Variants in ABCA13 observed in about 807,000 individuals in gnomAD.
ABCA13 encodes the protein ATP binding cassette subfamily A member 13.
In ABCA13, 476 loss-of-function variants were observed where a neutral mutation model predicts 478.7. The ratio of observed to expected loss-of-function variants is 0.99; its 90% CI spans 0.92 to 1.07. ABCA13 has a LOEUF of 1.07. Among genes scored for constraint, ABCA13 ranks in the 50% least tolerant of loss-of-function variants. The pLI is 0.00. For missense variants in ABCA13, 6,060 were observed against 5,910.6 expected (o/e 1.03, Z -0.83); for synonymous variants, 2,252 against 2,158.9 (o/e 1.04, Z -1.20).
intron 58 of ABCA13, among the ~76,000 whole-genome samples, chr7:48,607,120 G>A (rs867044332): frequency 1.1e-4 from 16 of 152,302 alleles, no homozygotes; most frequent in African/African-American, 2.9e-4. Flanking sequence ...TTTCAAGCCC[G>A]TGGATCTTAG....
At chr7:48,451,802 A>G (rs1825072297) in intron 42 of ABCA13, among the ~76,000 whole-genome samples, 1 of 152,208 alleles carries the variant, frequency 6.6e-6, no homozygotes, top group African/African-American at 2.4e-5. Context: ...TGTTTGAACA[A>G]TTGCAGCCAA....
intron 23 of ABCA13, among the ~76,000 whole-genome samples, chr7:48,303,055 T>C (rs554838583): frequency 6.8e-4 from 104 of 152,330 alleles, no homozygotes; most frequent in African/African-American, 2.4e-3. Flanking sequence ...TGGCATCTCA[T>C]TGTGGTTTTG....
At chr7:48,471,671 A>G in intron 45 of ABCA13, 72 bp downstream of exon 45, 3 of 1,369,434 alleles carry the variant, frequency 2.2e-6, no homozygotes, top group South Asian at 1.4e-5. Flanking sequence ...TACCCTATCT[A>G]TAAAATTTTC....
At position 48,320,113 on chromosome 7, in the gene ABCA13, C is replaced by T. The variant is rs554391599; in HGVS notation, c.9999+2817C>T. Among the ~76,000 whole-genome samples, 3 of 152,222 alleles carry T rather than the reference C, an allele frequency of 2.0e-5. No homozygotes were observed. The East Asian group carries it at 5.8e-4, about 29-fold the overall frequency. On this transcript the variant is annotated intron_variant, in intron 27 of 61. Coordinates refer to ENST00000435803, the MANE Select transcript of ABCA13 (RefSeq NM_152701.5). ...GAGTGTTAAAAGGTAAACTTAGGGA[C>T]ATTAAAATTTCAACAAGTTTATTTG...
chr7:48,209,204 G>A (rs1785308470), intron 3 of ABCA13, among the ~76,000 whole-genome samples: 1 of 152,008 alleles, frequency 6.6e-6, no homozygotes, highest in Non-Finnish European at 1.5e-5. Flanking sequence ...ATATTTACAT[G>A]TAAATTTAAA....
Position 48,481,134 on chromosome 7 carries a change from G to T in ABCA13, c.13074G>T (p.Leu4358=). The T allele has an allele frequency of 6.3e-7, 1 of 1,587,768 alleles. No individual in the cohort carries two copies. Among genetic ancestry groups the T allele is most frequent in the African/African-American group, 1.3e-5 (1 of 74,512 alleles). Residue 4358 remains leucine (L), a synonymous_variant, in exon 46 of 62, where the codon CTG becomes CTT. Coordinates refer to ENST00000435803, the MANE Select transcript of ABCA13 (RefSeq NM_152701.5). ...GCTTCAATATGGAGGAGTACTTGCT[G>T]GCACCATCTGAAAAACCAAGGTGTG... The part of the protein sequence containing the change: ...LSGFNMEEYL[L]APSEKPRLGG...
At chr7:48,174,062 C>T (rs1313961478) in intron 1 of ABCA13, among the ~76,000 whole-genome samples, 4 of 152,216 alleles carry the variant, frequency 2.6e-5, no homozygotes, top group African/African-American at 9.6e-5. Context: ...GGGCAGGCCC[C>T]TCTGGGTGAA....
Position 48,279,302 on chromosome 7 carries a change from G to C in ABCA13, c.8108G>C (p.Ser2703Thr). The C allele has an allele frequency of 6.3e-7, 1 of 1,588,644 alleles. No homozygotes were observed. The highest frequency in any genetic ancestry group is 8.6e-7 in the Non-Finnish European group (1 of 1,165,486). ...TACCCTAATCCAATTTCCACTCATA[G>C]TGGCCCTCAAGATATAAAATGGGAA... ...FLYPNPISTH[S>T]GPQDIKWEII... The change falls in exon 18 of 62, where the codon AGT becomes ACT. Residue 2703 changes from serine (S) to threonine (T), a missense_variant. By Grantham distance (58) the Ser-to-Thr change is moderately conservative (BLOSUM62 1). Around this residue, in one of 3 missense-constraint regions of ABCA13, gnomAD observed 4,423 missense variants for 4,309.1 expected, o/e 1.03. Transcript: ENST00000435803.
chr7:48,309,858 G>A (rs1381901017), intron 23 of ABCA13, 89 bp from the exon 24 acceptor site: 6 of 1,468,338 alleles, frequency 4.1e-6, no homozygotes, highest in East Asian at 2.3e-5. Flanking sequence ...ACTCTTGGGC[G>A]ACTCCCTGCC....
chr7:48,478,501 A>G (rs971312215), intron 45 of ABCA13, among the ~76,000 whole-genome samples: 25 of 152,112 alleles, frequency 1.6e-4, no homozygotes, highest in Non-Finnish European at 1.5e-4. Context: ...GGGGAGAATT[A>G]CAGAGTGATT....
intron 1 of ABCA13, among the ~76,000 whole-genome samples, chr7:48,189,995 T>C (rs1796880146): frequency 6.6e-6 from 1 of 152,204 alleles, no homozygotes; most frequent in Non-Finnish European, 1.5e-5. Flanking sequence ...GGAATTATTA[T>C]ATGCTTAACT....
At chr7:48,372,551 A>G (rs963007674) in intron 33 of ABCA13, 54 bp downstream of exon 33, 13 of 1,377,298 alleles carry the variant, frequency 9.4e-6, no homozygotes, top group African/African-American at 2.9e-5. Context: ...ATTGCAATCT[A>G]TCTAACAAGA....
intron 38 of ABCA13, among the ~76,000 whole-genome samples, chr7:48,393,220 T>C (rs555786773): frequency 6.6e-6 from 1 of 152,166 alleles, no homozygotes; most frequent in Non-Finnish European, 1.5e-5. Flanking sequence ...TAGCTGGAGA[T>C]AGAAACATTA....
chr7:48,611,288 A>G (rs948971940), intron 58 of ABCA13, among the ~76,000 whole-genome samples: 45 of 152,178 alleles, frequency 3.0e-4, no homozygotes, highest in African/African-American at 1.1e-3. Context: ...ACAAGCCTCT[A>G]GGAAGTTCCA....
intron 58 of ABCA13, among the ~76,000 whole-genome samples, chr7:48,611,074 T>C (rs1367656024): frequency 2.0e-5 from 3 of 152,214 alleles, no homozygotes; most frequent in African/African-American, 7.2e-5. Context: ...TTTTCTACCA[T>C]GATGTCAGGC....
intron 38 of ABCA13, among the ~76,000 whole-genome samples, chr7:48,402,348 C>T (rs1421863236): frequency 6.6e-6 from 1 of 152,162 alleles, no homozygotes; most frequent in African/African-American, 2.4e-5. Context: ...TTTAATAGAT[C>T]GACCTCCTCT....
intron 35 of ABCA13, among the ~76,000 whole-genome samples, chr7:48,384,724 T>C (rs1024400783): frequency 2.0e-5 from 3 of 152,188 alleles, no homozygotes; most frequent in African/African-American, 7.2e-5. Context: ...CATAACAAAG[T>C]ACCACAAACT....
At chr7:48,195,568 CAT>C (rs1797812423) in intron 2 of ABCA13, among the ~76,000 whole-genome samples, 1 of 152,076 alleles carries the variant, frequency 6.6e-6, no homozygotes, top group Non-Finnish European at 1.5e-5. Flanking sequence ...GGGCACAGGA[CAT>C]GTGGGGGATT....
At chr7:48,507,600 G>A (rs187550915) in intron 49 of ABCA13, among the ~76,000 whole-genome samples, 15 of 152,146 alleles carry the variant, frequency 9.9e-5, no homozygotes, top group African/African-American at 3.4e-4. Flanking sequence ...AGGCTCAATG[G>A]TGAAGAGCAG....
Sources: gnomAD v4.1 joint callset for allele counts (sites outside exome capture counted in the v4.1 genomes callset) on GRCh38, gnomAD v4.1.1 for gene constraint, gnomAD v4.1.1 regional missense constraint, MANE v1.5 for transcripts, NCBI Gene and HGNC (gene_info 2026-07-23, HGNC 2026-07-21) for gene names.